GAB2: variants seen among roughly 807,000 people sequenced by gnomAD.
GAB2 encodes GRB2 associated binding protein 2.
A neutral mutation model predicts 65.5 loss-of-function variants in GAB2; 26 were observed. That is an observed-to-expected ratio of 0.40 (90% CI 0.29 to 0.55). GAB2 has a LOEUF of 0.55. Among genes scored for constraint, GAB2 ranks in the 20% least tolerant of loss-of-function variants. The probability of loss-of-function intolerance (pLI) is 0.53; values close to 1 mark genes in which losing one functional copy is unlikely to be tolerated. For missense variants in GAB2, 884 were observed against 875.8 expected (o/e 1.01, Z -0.12); for synonymous variants, 321 against 329.6 (o/e 0.97, Z 0.28).
chr11:78,218,569 C>T lies in GAB2; in HGVS notation c.*703G>A, dbSNP rs1250157549. On this transcript the variant is annotated 3_prime_UTR_variant, in exon 10 of 10. Coordinates refer to ENST00000361507, the MANE Select transcript of GAB2 (RefSeq NM_080491.3). Reference sequence around the variant, plus strand: ...CTAGGTTGGCCATCAGTTTTCCCTTCCTTTTGTCCTTCATCTTCTGCCTCT... The same window carrying T: ...CTAGGTTGGCCATCAGTTTTCCCTTTCTTTTGTCCTTCATCTTCTGCCTCT... 6.5e-6 allele frequency: 1 copy of T among 153,242 alleles called. No individual in the cohort carries two copies. The highest frequency in any genetic ancestry group is 2.4e-5 in the African/African-American group (1 of 41,472). The allele number at this position is 153,242 out of a possible 1,614,324, so 9.5% of individuals were successfully genotyped here.
chr11:78,403,080 G>A (rs1281737516), intron 1 of GAB2, among the ~76,000 whole-genome samples: 1 of 152,222 alleles, frequency 6.6e-6, no homozygotes, highest in Non-Finnish European at 1.5e-5. Flanking sequence ...CGCTGAATGT[G>A]TCAGTGCCTT....
At chr11:78,350,158 G>T (rs1297221750) in intron 1 of GAB2, among the ~76,000 whole-genome samples, 1 of 152,190 alleles carries the variant, frequency 6.6e-6, no homozygotes, top group Non-Finnish European at 1.5e-5. Flanking sequence ...CAGACCAGCT[G>T]TAGTCCATCT....
chr11:78,302,686 C>A (rs1245898472), intron 1 of GAB2, among the ~76,000 whole-genome samples: 3 of 152,040 alleles, frequency 2.0e-5, no homozygotes, highest in African/African-American at 7.3e-5. Context: ...GGTATCTACC[C>A]AAAGGAAAAG....
At chr11:78,260,428 T>C (rs1343451950) in intron 2 of GAB2, among the ~76,000 whole-genome samples, 2 of 152,162 alleles carry the variant, frequency 1.3e-5, no homozygotes, top group Non-Finnish European at 2.9e-5. Flanking sequence ...ATTTCAGAGA[T>C]GGAAATGCCT....
At chr11:78,348,060 G>T (rs902617021) in intron 1 of GAB2, among the ~76,000 whole-genome samples, 1 of 152,196 alleles carries the variant, frequency 6.6e-6, no homozygotes, top group Non-Finnish European at 1.5e-5. Context: ...TGATTAAGTG[G>T]AAGTGGATCA....
At chr11:78,370,023 C>T (rs1369028178) in intron 1 of GAB2, among the ~76,000 whole-genome samples, 10 of 151,900 alleles carry the variant, frequency 6.6e-5, no homozygotes, top group African/African-American at 1.9e-4. Context: ...TTTGGGAGGC[C>T]GAGGCGGGCG....
intron 1 of GAB2, among the ~76,000 whole-genome samples, chr11:78,355,164 G>T (rs1167483379): frequency 6.6e-6 from 1 of 152,324 alleles, no homozygotes; most frequent in East Asian, 1.9e-4. Context: ...TGTGGGTCCA[G>T]TTCTGGCTTT....
intron 1 of GAB2, among the ~76,000 whole-genome samples, chr11:78,316,290 G>T (rs976479617): frequency 6.6e-6 from 1 of 152,048 alleles, no homozygotes; most frequent in African/African-American, 2.4e-5. Flanking sequence ...TTATAACTGT[G>T]TGAGCCAATT....
At chr11:78,275,929 CAG>C in intron 2 of GAB2, among the ~76,000 whole-genome samples, 1 of 152,026 alleles carries the variant, frequency 6.6e-6, no homozygotes, top group Admixed American at 6.6e-5. Context: ...GCCTGGACAA[CAG>C]GGTGAAACCC....
intron 1 of GAB2, among the ~76,000 whole-genome samples, chr11:78,393,434 A>G (rs895854492): frequency 1.3e-5 from 2 of 152,244 alleles, no homozygotes; most frequent in Admixed American, 1.3e-4. Flanking sequence ...CAAACTCAGT[A>G]GCAATCAAAG....
intron 3 of GAB2, among the ~76,000 whole-genome samples, chr11:78,228,839 CGG>C (rs1354516969): frequency 1.3e-5 from 1 of 76,422 alleles, no homozygotes; most frequent in Non-Finnish European, 2.6e-5. Flanking sequence ...ACGGGGGTGG[CGG>C]GGGGAGCGAA....
rs1176380685 is a variant in GAB2 at position 78,215,842 on chromosome 11, G to C, written c.*3430C>G. On this transcript the variant is annotated 3_prime_UTR_variant, in exon 10 of 10. Transcript: ENST00000361507. Reference sequence around the variant, plus strand: ...CTGCATTTTATGAAGGCCCAGATGGGGAAGGAAGAACTCTGGAAATGGGAT... The same window carrying C: ...CTGCATTTTATGAAGGCCCAGATGGCGAAGGAAGAACTCTGGAAATGGGAT... 2 of 152,676 alleles carry C rather than the reference G, an allele frequency of 1.3e-5. No individual in the cohort carries two copies. Among genetic ancestry groups the C allele is most frequent in the East Asian group, 3.8e-4 (2 of 5,204 alleles). The allele number at this position is 152,676 out of a possible 1,614,324, so 9.5% of individuals were successfully genotyped here.
intron 1 of GAB2, among the ~76,000 whole-genome samples, chr11:78,413,623 T>G (rs1173704783): frequency 6.6e-6 from 1 of 152,014 alleles, no homozygotes; most frequent in Admixed American, 6.6e-5. Context: ...ACCACCAAGT[T>G]TATCCCTGAA....
chr11:78,382,646 A>G (rs532707718), intron 1 of GAB2, among the ~76,000 whole-genome samples: 1 of 152,330 alleles, frequency 6.6e-6, no homozygotes, highest in East Asian at 1.9e-4. Context: ...GTCACCACGC[A>G]TGGAAAGCAA....
chr11:78,316,865 G>A (rs1855618138), intron 1 of GAB2, among the ~76,000 whole-genome samples: 3 of 152,314 alleles, frequency 2.0e-5, no homozygotes, highest in Middle Eastern at 6.8e-3. Flanking sequence ...AGTCAGAAGA[G>A]CCAAAAGGTG....
At chr11:78,277,111 C>G (rs1050593680) in intron 2 of GAB2, among the ~76,000 whole-genome samples, 1 of 152,176 alleles carries the variant, frequency 6.6e-6, no homozygotes, top group Non-Finnish European at 1.5e-5. Flanking sequence ...GCCATCATGC[C>G]CAGCCTAAAT....
At chr11:78,262,867 G>A (rs1865771076) in intron 2 of GAB2, among the ~76,000 whole-genome samples, 1 of 152,186 alleles carries the variant, frequency 6.6e-6, no homozygotes, top group Admixed American at 6.5e-5. Context: ...ACAGGGGTCA[G>A]CAAACTACAG....
rs577457714 is a variant in GAB2 at position 78,394,995 on chromosome 11, A to C, written c.75+22651T>G. On this transcript the variant is annotated intron_variant, in intron 1 of 9. Coordinates refer to ENST00000361507, the MANE Select transcript of GAB2 (RefSeq NM_080491.3). ...GAGGACTCAAGAGCAGCCAGTGAAG[A>C]GACTCGTATCCTTGTCCCTCGCCCT... 8.5e-5 allele frequency among the ~76,000 whole-genome samples: 13 copies of C among 152,270 alleles called. No homozygotes were observed. In the South Asian group the frequency reaches 2.7e-3, roughly 32 times the overall value.
At chr11:78,383,863 C>T (rs1856730790) in intron 1 of GAB2, among the ~76,000 whole-genome samples, 1 of 152,138 alleles carries the variant, frequency 6.6e-6, no homozygotes, top group Admixed American at 6.5e-5. Flanking sequence ...TTCCAAGGCC[C>T]TTTCCAAGGC....
Sources: allele counts gnomAD v4.1 joint callset (sites outside exome capture counted in the v4.1 genomes callset), GRCh38; gene constraint gnomAD v4.1.1; transcripts MANE v1.5; gene names NCBI Gene and HGNC (gene_info 2026-07-23, HGNC 2026-07-21).